Variants in USP3 observed in about 807,000 individuals in gnomAD.
The protein encoded by USP3 is ubiquitin specific peptidase 3, also known as ubiquitin carboxyl-terminal hydrolase 3.
Under a neutral mutation model 72.3 loss-of-function variants are expected in USP3, and 20 were observed. That is an observed-to-expected ratio of 0.28 (90% CI 0.19 to 0.40). The LOEUF is 0.40. Among genes scored for constraint, USP3 ranks in the 10% least tolerant of loss-of-function variants. The probability of loss-of-function intolerance (pLI) is 1.00; values close to 1 mark genes in which losing one functional copy is unlikely to be tolerated. For synonymous variants in USP3, 222 were observed against 225.3 expected (o/e 0.99, Z 0.13); for missense variants, 479 against 633.9 (o/e 0.76, Z 2.62).
At chr15:63,505,294 C>G (rs2065696696) in intron 1 of USP3, among the ~76,000 whole-genome samples, 1 of 152,138 alleles carries the variant, frequency 6.6e-6, no homozygotes, top group African/African-American at 2.4e-5. Context: ...CCGGGCGCAG[C>G]TTTGTCTGGG....
chr15:63,587,390 GC>G (rs2067091262), intron 11 of USP3, among the ~76,000 whole-genome samples: 1 of 152,258 alleles, frequency 6.6e-6, no homozygotes, highest in Admixed American at 6.5e-5. Flanking sequence ...TCAGGAATTG[GC>G]ACAGGGGCCA....
chr15:63,541,159 A>G (rs149566402), intron 3 of USP3, among the ~76,000 whole-genome samples: 120 of 152,330 alleles, frequency 7.9e-4, no homozygotes, highest in Middle Eastern at 3.4e-3. Context: ...TATGAAAGGA[A>G]TATTAAAAGT....
At chr15:63,518,352 T>C (rs1179338481) in intron 1 of USP3, among the ~76,000 whole-genome samples, 3 of 152,212 alleles carry the variant, frequency 2.0e-5, no homozygotes, top group Admixed American at 6.5e-5. Context: ...TGTAAGGTCA[T>C]TGGGACTACT....
At chr15:63,552,498 C>T (rs888949023) in intron 3 of USP3, among the ~76,000 whole-genome samples, 2 of 152,126 alleles carry the variant, frequency 1.3e-5, no homozygotes, top group African/African-American at 4.8e-5. Context: ...TGCTTTTGCT[C>T]TTTGTGGAAA....
At chr15:63,554,580 G>T (rs536346002) in intron 4 of USP3, among the ~76,000 whole-genome samples, 1 of 152,292 alleles carries the variant, frequency 6.6e-6, no homozygotes, top group Admixed American at 6.5e-5. Flanking sequence ...CAGTTGATGT[G>T]TAGAAGGTAT....
In USP3 at chr15:63,588,824, G is replaced by C. The variant is rs1160374722; in HGVS notation, c.1329+9G>C. ...AATGCTACTTACTAGAGGTAAGGTG[G>C]TTACCTTTTTAGCATGGTGAAAAAA... On this transcript the variant is annotated intron_variant, in intron 13 of 14. Transcript: ENST00000380324. The surrounding 1 kb of genome is among the most constrained non-coding windows in gnomAD (Gnocchi z 4.6). 6.2e-7 allele frequency: 1 copy of C among 1,611,106 alleles called. No homozygotes were observed. The highest frequency in any genetic ancestry group is 1.1e-5 in the South Asian group (1 of 91,008).
intron 2 of USP3, among the ~76,000 whole-genome samples, chr15:63,536,815 CTG>C (rs1219605858): frequency 6.6e-6 from 1 of 151,500 alleles, no homozygotes; most frequent in African/African-American, 2.4e-5. Flanking sequence ...GATCGTGCCA[CTG>C]CACTCCAGCC....
intron 14 of USP3, among the ~76,000 whole-genome samples, chr15:63,590,368 G>T (rs1595784001): frequency 6.6e-6 from 1 of 152,212 alleles, no homozygotes; most frequent in African/African-American, 2.4e-5. Flanking sequence ...ATTCTGATGG[G>T]AAAACCTGGT....
intron 6 of USP3, 90 bp downstream of exon 6, chr15:63,558,278 C>T (rs2066544955): frequency 7.0e-7 from 1 of 1,425,630 alleles, no homozygotes; most frequent in East Asian, 2.3e-5. Flanking sequence ...TAACTCTAGT[C>T]ATATGGTTTG....
At chr15:63,552,848 G>A (rs62011343) in intron 3 of USP3, among the ~76,000 whole-genome samples, 18,724 of 152,092 alleles carry the variant, frequency 0.12, 1,595 homozygotes, top group South Asian at 0.2. Context: ...TGCTCAGAAT[G>A]GCAGTGTTAT....
intron 11 of USP3, among the ~76,000 whole-genome samples, chr15:63,581,348 TGTGTGTGTGTGTGTG>T (rs1255742304): frequency 4.0e-3 from 17 of 4,226 alleles, no homozygotes; most frequent in Admixed American, 8.2e-3. Flanking sequence ...TTGGTTTTTG[TGTGTGTGTGTGTGTG>T]TGTGTGTGTG....
intron 6 of USP3, among the ~76,000 whole-genome samples, chr15:63,558,991 C>A (rs1205910828): frequency 6.6e-6 from 1 of 152,188 alleles, no homozygotes; most frequent in Non-Finnish European, 1.5e-5. Flanking sequence ...AGTTTGCAGA[C>A]CCCTGGGTTA....
Position 63,552,661 on chromosome 15 carries a change from C to T in USP3, c.285-1054C>T, listed in dbSNP as rs923377257. Among the ~76,000 whole-genome samples the T allele has an allele frequency of 5.4e-4, 82 of 152,218 alleles. 1 individual carries two copies. Among genetic ancestry groups the T allele is most frequent in the African/African-American group, 1.9e-3 (80 of 41,546 alleles). On this transcript the variant is annotated intron_variant, in intron 3 of 14. Transcript: ENST00000380324. ...AAGCATTCACTTAAAATTTTCATTT[C>T]TCTGAATAAAAGACACAAGCATGCT... is the stretch of plus-strand genomic sequence containing the variant.
Position 63,532,691 on chromosome 15 carries a change from A to C in USP3, c.136A>C (p.Ser46Arg), listed in dbSNP as rs143426813. Residue 46 changes from serine (S) to arginine (R), a missense_variant, in exon 2 of 15, where the codon AGT becomes CGT. Physicochemically the swap from Ser to Arg is moderately radical, Grantham distance 110. Coordinates refer to ENST00000380324, the MANE Select transcript of USP3 (RefSeq NM_006537.4). ...CCCTTGGGTCTGTTTGACTTGTTCAAGTGTCCACTGTGGAAGGTAGGTGAC... is the reference window on the plus strand; with the variant it reads ...CCCTTGGGTCTGTTTGACTTGTTCACGTGTCCACTGTGGAAGGTAGGTGAC... ...KSPWVCLTCSSVHCGRYVNGH... is the reference protein window; with the variant it reads ...KSPWVCLTCSRVHCGRYVNGH... 1 of 1,613,924 alleles carries C rather than the reference A, an allele frequency of 6.2e-7. No homozygotes were observed. The highest frequency in any genetic ancestry group is 1.7e-5 in the Admixed American group (1 of 59,990).
intron 2 of USP3, among the ~76,000 whole-genome samples, chr15:63,532,945 C>T (rs773714476): frequency 3.3e-5 from 5 of 152,150 alleles, no homozygotes; most frequent in African/African-American, 4.8e-5. Context: ...ATGACCAAGA[C>T]AATCTGCTAA....
Position 63,547,757 on chromosome 15 carries a change from GGAGGGA to G in USP3, c.285-5954_285-5949del, listed in dbSNP as rs1567108579. 7.6e-5 allele frequency among the ~76,000 whole-genome samples: 3 copies of G among 39,618 alleles called. 1 individual carries two copies. Among genetic ancestry groups the G allele is most frequent in the South Asian group, 2.6e-3 (2 of 770 alleles). 26.0% of individuals were successfully genotyped at this position (39,618 alleles called of 152,430 possible). A position where few individuals can be genotyped will look rare whatever the true frequency, so the allele number is the denominator to read the frequency against. On this transcript the variant is annotated intron_variant, in intron 3 of 14. Transcript: ENST00000380324. ...GAGAGAGAGAGAGGGAGGGAGGGAG[GGAGGGA>G]GAGAGAGAGAGAGAGAGAGAGAGAG...
intron 7 of USP3, among the ~76,000 whole-genome samples, chr15:63,560,797 T>C (rs1012067353): frequency 2.0e-5 from 3 of 152,178 alleles, no homozygotes; most frequent in African/African-American, 7.2e-5. Context: ...TTATGACAAT[T>C]GTAGTGAGCA....
intron 1 of USP3, chr15:63,527,696 A>G (rs1474400482): frequency 1.3e-5 from 2 of 152,222 alleles, no homozygotes; most frequent in Non-Finnish European, 2.9e-5. Flanking sequence ...CACAACCTGA[A>G]AAGATGCATG....
chr15:63,505,197 G>C (rs559949215), intron 1 of USP3, among the ~76,000 whole-genome samples: 1 of 152,060 alleles, frequency 6.6e-6, no homozygotes, highest in South Asian at 2.1e-4. Flanking sequence ...CCTGTGGGGC[G>C]GGTGTCCGGC....
Sources: allele counts gnomAD v4.1 joint callset (sites outside exome capture counted in the v4.1 genomes callset), GRCh38; gene constraint gnomAD v4.1.1; non-coding constraint Gnocchi (gnomAD v3.1); transcripts MANE v1.5; gene names NCBI Gene and HGNC (gene_info 2026-07-23, HGNC 2026-07-21).